The following TNIP3 variants were observed in gnomAD, a reference collection of about 807,000 sequenced individuals.
TNIP3 encodes the protein TNFAIP3 interacting protein 3, also known as TNFAIP3-interacting protein 3.
In TNIP3, 34 loss-of-function variants were observed where a neutral mutation model predicts 54.1. That is an observed-to-expected ratio of 0.63 (90% confidence interval 0.48 to 0.84). The LOEUF is 0.84. Ranked by LOEUF, TNIP3 falls within the 40% of genes least tolerant of loss-of-function variation. The probability of loss-of-function intolerance (pLI) is 0.00; values close to 1 mark genes in which losing one functional copy is unlikely to be tolerated. For missense variants in TNIP3, 366 were observed against 387.6 expected (o/e 0.94, Z 0.47); for synonymous variants, 134 against 136.8 (o/e 0.98, Z 0.14).
At chr4:121,200,702 C>T (rs563992149) in intron 2 of TNIP3, among the ~76,000 whole-genome samples, 2 of 152,276 alleles carry the variant, frequency 1.3e-5, no homozygotes, top group South Asian at 2.1e-4. Flanking sequence ...TAATCAGGCA[C>T]CTTGGCTACC....
At chr4:121,135,710 AT>A (rs1332818097) in intron 10 of TNIP3, among the ~76,000 whole-genome samples, 15 of 152,150 alleles carry the variant, frequency 9.9e-5, no homozygotes, top group Admixed American at 9.2e-4. Context: ...TAAACTAGTG[AT>A]TTCTTAATAG....
At chr4:121,218,969 G>T (rs1360358876), upstream of TNIP3, among the ~76,000 whole-genome samples, 4 of 152,200 alleles carry the variant, frequency 2.6e-5, no homozygotes, top group African/African-American at 7.2e-5. Context: ...GGAGGCCGAG[G>T]CAGGTGGATC....
chr4:121,169,588 G>A (rs192467712), intron 3 of TNIP3, among the ~76,000 whole-genome samples: 17 of 152,248 alleles, frequency 1.1e-4, no homozygotes, highest in East Asian at 7.7e-4. Flanking sequence ...GTGCCTGTGC[G>A]TGTTCATGTG....
intron 7 of TNIP3, 99 bp downstream of exon 7, chr4:121,146,950 A>G: frequency 7.2e-7 from 1 of 1,392,748 alleles, no homozygotes; most frequent in East Asian, 2.4e-5. Context: ...TTAAAAAAAA[A>G]TTCAATGTCA....
At chr4:121,223,189 G>A (rs71629498) in intron 1 of TNIP3, among the ~76,000 whole-genome samples, 26,655 of 152,186 alleles carry the variant, frequency 0.18, 2,618 homozygotes, top group Middle Eastern at 0.29. Context: ...TGCCAGCCTT[G>A]GCCCATCCTT....
At chr4:121,186,036 G>A (rs1019418436) in intron 2 of TNIP3, among the ~76,000 whole-genome samples, 1 of 152,218 alleles carries the variant, frequency 6.6e-6, no homozygotes, top group African/African-American at 2.4e-5. Flanking sequence ...CCTCTCACGT[G>A]AGCCTGGTTC....
rs541290857 is a variant in TNIP3, at chr4:121,200,026, C to T, written c.68+16389G>A. ...CATTGTCCTGGGAACTGCATCCCCTCAAAAACCACGGTCAGAGGCAGAGCC... is the reference window on the plus strand; with the variant it reads ...CATTGTCCTGGGAACTGCATCCCCTTAAAAACCACGGTCAGAGGCAGAGCC... On this transcript the variant is annotated intron_variant, in intron 2 of 12. Coordinates refer to the TNIP3 transcript ENST00000507879. Among the ~76,000 whole-genome samples, 66 of 152,286 alleles carry T rather than the reference C, an allele frequency of 4.3e-4. No individual in the cohort carries two copies. In the South Asian group the frequency reaches 8.7e-3, roughly 20 times the overall value.
At chr4:121,190,120 C>T (rs1725226322) in intron 2 of TNIP3, among the ~76,000 whole-genome samples, 1 of 152,164 alleles carries the variant, frequency 6.6e-6, no homozygotes, top group South Asian at 2.1e-4. Flanking sequence ...GACTGCTCTG[C>T]ATGGGTGAAA....
intron 2 of TNIP3, among the ~76,000 whole-genome samples, chr4:121,204,849 A>T (rs193249216): frequency 6.6e-6 from 1 of 152,190 alleles, no homozygotes; most frequent in African/African-American, 2.4e-5. Flanking sequence ...TTATTTTCCT[A>T]CAACTGAAGT....
intron 2 of TNIP3, among the ~76,000 whole-genome samples, chr4:121,215,161 G>A (rs1475671879): frequency 1.3e-5 from 2 of 151,850 alleles, no homozygotes; most frequent in African/African-American, 4.8e-5. Flanking sequence ...GAAATCCTTG[G>A]CTCAAAATTC....
chr4:121,161,302 T>C (rs1730438485), intron 1 of TNIP3, 86 bp from the exon 2 acceptor site: 3 of 1,152,332 alleles, frequency 2.6e-6, no homozygotes, highest in Non-Finnish European at 3.6e-6. Context: ...CCCATGCATT[T>C]GGCCAACTCT....
chr4:121,164,889 C>T (rs367821881), upstream of TNIP3, among the ~76,000 whole-genome samples: 16 of 152,116 alleles, frequency 1.1e-4, no homozygotes, highest in African/African-American at 2.9e-4. Context: ...GTGAAATCTT[C>T]TCATGGAGAA....
chr4:121,169,042 C>T (rs1730927041), upstream of TNIP3, among the ~76,000 whole-genome samples: 2 of 151,806 alleles, frequency 1.3e-5, no homozygotes, highest in Non-Finnish European at 1.5e-5. Flanking sequence ...GCTTCCACTC[C>T]CCCCTCCCCA....
intron 4 of TNIP3, 47 bp downstream of exon 4, chr4:121,157,047 T>C (rs776694723): frequency 1.7e-5 from 28 of 1,609,908 alleles, no homozygotes; most frequent in Non-Finnish European, 2.3e-5. Context: ...CCCGCCCCTT[T>C]GCTTTTATTT....
chr4:121,132,701 T>G (rs769752225), intron 10 of TNIP3, 39 bp from the exon 11 acceptor site: 16 of 1,559,086 alleles, frequency 1.0e-5, no homozygotes, highest in Non-Finnish European at 1.2e-5. Context: ...GATTAAAAAT[T>G]AACATTTCAT....
rs1210757915 is a variant in TNIP3, at chr4:121,131,588, G to GGAC, written c.*1040_*1042dup. On this transcript the variant is annotated 3_prime_UTR_variant, in exon 11 of 11. Coordinates refer to ENST00000057513, the MANE Select transcript of TNIP3 (RefSeq NM_024873.6). ...CCATATAGCCATCATCATCCCATCA[G>GGAC]GACTTTGTCTTCCTTTTTTTTTTTT... The GGAC allele has an allele frequency of 1.3e-5, 2 of 150,108 alleles. No homozygotes were observed. Among genetic ancestry groups the GGAC allele is most frequent in the Admixed American group, 1.3e-4 (2 of 15,064 alleles). 9.3% of individuals were successfully genotyped at this position (150,108 alleles called of 1,614,324 possible). A position where few individuals can be genotyped will look rare whatever the true frequency, so the allele number is the denominator to read the frequency against.
chr4:121,202,184 C>A (rs1238026983), intron 2 of TNIP3, among the ~76,000 whole-genome samples: 1 of 152,074 alleles, frequency 6.6e-6, no homozygotes, highest in African/African-American at 2.4e-5. Context: ...AGTGACCTGA[C>A]AAAGCAGCAT....
intron 3 of TNIP3, among the ~76,000 whole-genome samples, chr4:121,174,288 C>T (rs545977839): frequency 2.0e-4 from 30 of 151,940 alleles, no homozygotes; most frequent in South Asian, 6.3e-4. Flanking sequence ...ACCTATAATC[C>T]GACCACTTTG....
At chr4:121,183,681 G>A (rs956641180) in intron 2 of TNIP3, among the ~76,000 whole-genome samples, 4 of 152,156 alleles carry the variant, frequency 2.6e-5, no homozygotes, top group East Asian at 1.9e-4. Context: ...TCATAGGAGC[G>A]CAAATCCTAT....
Sources: gnomAD v4.1 joint callset for allele counts (sites outside exome capture counted in the v4.1 genomes callset) on GRCh38, gnomAD v4.1.1 for gene constraint, MANE v1.5 for transcripts, NCBI Gene and HGNC (gene_info 2026-07-23, HGNC 2026-07-21) for gene names.